The following AGFG1 variants were observed in gnomAD, a reference collection of about 807,000 sequenced individuals.
AGFG1 encodes the protein ArfGAP with FG repeats 1, also known as arf-GAP domain and FG repeat-containing protein 1.
AGFG1 carries 10 observed loss-of-function variants against 60.6 expected under a neutral mutation model. The observed-to-expected ratio is 0.16, with a 90% CI of 0.10 to 0.28. The LOEUF is 0.28. Among genes scored for constraint, AGFG1 ranks in the 10% least tolerant of loss-of-function variants. The pLI, the probability that AGFG1 is intolerant of heterozygous loss-of-function variation, is 1.00. For missense variants in AGFG1, 537 were observed against 676.5 expected (o/e 0.79, Z 2.29); for synonymous variants, 247 against 242.9 (o/e 1.02, Z -0.16).
chr2:227,490,916 AT>A (rs1280797729), intron 1 of AGFG1, among the ~76,000 whole-genome samples: 1 of 152,150 alleles, frequency 6.6e-6, no homozygotes, highest in African/African-American at 2.4e-5. Flanking sequence ...GCATGCAGCA[AT>A]TTTTTTGAAT....
intron 2 of AGFG1, among the ~76,000 whole-genome samples, chr2:227,498,459 A>G (rs1270774444): frequency 6.6e-6 from 1 of 152,178 alleles, no homozygotes; most frequent in African/African-American, 2.4e-5. Context: ...AAAGCACACT[A>G]TTGTTATTAT....
intron 2 of AGFG1, among the ~76,000 whole-genome samples, chr2:227,499,897 C>T (rs1009894210): frequency 1.3e-5 from 2 of 152,184 alleles, no homozygotes; most frequent in South Asian, 2.1e-4. Flanking sequence ...GGACGCAGCC[C>T]GAGTGCTACC....
chr2:227,551,164 T>C (rs1692807545), intron 10 of AGFG1, among the ~76,000 whole-genome samples: 1 of 152,198 alleles, frequency 6.6e-6, no homozygotes, highest in African/African-American at 2.4e-5. Flanking sequence ...TACAGTAGCA[T>C]TGAACACTTT....
chr2:227,512,207 C>T (rs1280310912), intron 2 of AGFG1, among the ~76,000 whole-genome samples: 1 of 152,158 alleles, frequency 6.6e-6, no homozygotes, highest in Admixed American at 6.5e-5. Flanking sequence ...TTTTTAGTTA[C>T]TCAGTTGCAT....
chr2:227,496,795 A>T (rs911671496), intron 2 of AGFG1, among the ~76,000 whole-genome samples: 3 of 152,284 alleles, frequency 2.0e-5, no homozygotes, highest in East Asian at 1.9e-4. Flanking sequence ...TTATAAGAAG[A>T]ATTATCAATT....
intron 2 of AGFG1, among the ~76,000 whole-genome samples, chr2:227,500,220 G>C (rs1359526259): frequency 6.6e-6 from 1 of 152,168 alleles, no homozygotes; most frequent in Non-Finnish European, 1.5e-5. Context: ...TTGTTGATTT[G>C]GGTGATATTT....
chr2:227,495,500 C>T (rs1271766295), intron 2 of AGFG1, among the ~76,000 whole-genome samples: 2 of 146,016 alleles, frequency 1.4e-5, no homozygotes, highest in Non-Finnish European at 3.0e-5. Flanking sequence ...AAGTCATGAT[C>T]ATGCAACTGC....
rs760714508 is a variant in AGFG1 at position 227,551,994 on chromosome 2, A to G, written c.1414A>G (p.Thr472Ala). ...TGGCACTGCATCCATGAGCATGCCC[A>G]CAGGATTCGGCACTCCTGCTCCCTA... ...TFGTASMSMP[T>A]GFGTPAPYSL... The change falls in exon 11 of 13, where the codon ACA becomes GCA. Residue 472 changes from threonine to alanine, a missense_variant. Thr to Ala is a moderately conservative substitution (Grantham distance 58). Coordinates refer to ENST00000310078, the MANE Select transcript of AGFG1 (RefSeq NM_004504.5). 2.0e-5 allele frequency: 32 copies of G among 1,614,038 alleles called. No individual in the cohort carries two copies. The highest frequency in any genetic ancestry group is 1.6e-4 in the Middle Eastern group (1 of 6,084).
chr2:227,545,063 G>C (rs977889099), intron 10 of AGFG1, among the ~76,000 whole-genome samples: 1 of 152,142 alleles, frequency 6.6e-6, no homozygotes, highest in Admixed American at 6.5e-5. Context: ...TTTCCAACTT[G>C]GTTCCATTCT....
chr2:227,484,086 A>G (rs918207833), intron 1 of AGFG1, among the ~76,000 whole-genome samples: 4 of 151,258 alleles, frequency 2.6e-5, no homozygotes, highest in African/African-American at 9.7e-5. Flanking sequence ...TTTTATGGTC[A>G]CAATTGAAAT....
At chr2:227,479,562 T>C (rs1482688096) in intron 1 of AGFG1, among the ~76,000 whole-genome samples, 1 of 152,206 alleles carries the variant, frequency 6.6e-6, no homozygotes, top group Non-Finnish European at 1.5e-5. Flanking sequence ...CCTTATTTGA[T>C]ATTTTCCTTC....
intron 10 of AGFG1, among the ~76,000 whole-genome samples, chr2:227,540,868 A>G (rs1184899722): frequency 1.3e-5 from 2 of 152,076 alleles, no homozygotes; most frequent in African/African-American, 4.8e-5. Context: ...TTGTTTCCTG[A>G]CTTTTTAATG....
At chr2:227,545,958 G>C (rs1471783415) in intron 10 of AGFG1, among the ~76,000 whole-genome samples, 1 of 152,232 alleles carries the variant, frequency 6.6e-6, no homozygotes, top group Non-Finnish European at 1.5e-5. Context: ...CACTTGAGGA[G>C]GCAGTCTGGC....
At chr2:227,495,273 G>A (rs576140855) in intron 2 of AGFG1, among the ~76,000 whole-genome samples, 1 of 152,052 alleles carries the variant, frequency 6.6e-6, no homozygotes, top group South Asian at 2.1e-4. Flanking sequence ...AGTGATCTTG[G>A]CACTGTAGCT....
chr2:227,553,602 C>T, intron 11 of AGFG1, 102 bp from the exon 12 acceptor site: 3 of 889,408 alleles, frequency 3.4e-6, no homozygotes, highest in Non-Finnish European at 5.2e-6. Context: ...TTTATTTTTG[C>T]TGCTCTGGTA....
chr2:227,475,518 A>G (rs892183702), intron 1 of AGFG1, among the ~76,000 whole-genome samples: 3 of 152,232 alleles, frequency 2.0e-5, no homozygotes, highest in African/African-American at 7.2e-5. Flanking sequence ...TTTCTTTGAC[A>G]AGCAATAGTG....
Position 227,479,648 on chromosome 2 carries a change from T to TC in AGFG1, c.167+7065dup, listed in dbSNP as rs374353746. Among the ~76,000 whole-genome samples, 226 of 152,294 alleles carry TC rather than the reference T, an allele frequency of 1.5e-3. 3 individuals are homozygous for TC. Among genetic ancestry groups the TC allele is most frequent in the African/African-American group, 5.1e-3 (212 of 41,570 alleles). ...AATATTCGGGACTAGGTTTTACTAC[T>TC]CCCCCTCATTTTTTCCCCCACTTGA... On this transcript the variant is annotated intron_variant, in intron 1 of 12. Coordinates refer to ENST00000310078, the MANE Select transcript of AGFG1 (RefSeq NM_004504.5).
chr2:227,533,414 C>T (rs554588284), intron 6 of AGFG1, 135 bp from the exon 7 acceptor site: 57 of 789,992 alleles, frequency 7.2e-5, no homozygotes, highest in Admixed American at 5.9e-4. Flanking sequence ...AGTCAAAAGC[C>T]ATTGCCAGTC....
At chr2:227,535,092 T>A in intron 8 of AGFG1, 67 bp downstream of exon 8, 1 of 1,375,810 alleles carries the variant, frequency 7.3e-7, no homozygotes, top group African/African-American at 1.5e-5. Flanking sequence ...GAATAATCAA[T>A]TAAAAAATGA....
Sources: gnomAD v4.1 joint callset for allele counts (sites outside exome capture counted in the v4.1 genomes callset) on GRCh38, gnomAD v4.1.1 for gene constraint, MANE v1.5 for transcripts, NCBI Gene and HGNC (gene_info 2026-07-23, HGNC 2026-07-21) for gene names.